PCDHGB7: variants seen among roughly 807,000 people sequenced by gnomAD.
PCDHGB7 encodes protocadherin gamma subfamily B, 7, also known as protocadherin gamma-B7.
In PCDHGB7, 37 loss-of-function variants were observed where a neutral mutation model predicts 61.4. The ratio of observed to expected loss-of-function variants is 0.60; its 90% CI spans 0.46 to 0.79. PCDHGB7 has a LOEUF of 0.79. Among genes scored for constraint, PCDHGB7 ranks in the 30% least tolerant of loss-of-function variants. PCDHGB7 has a pLI of 0.00. For synonymous variants in PCDHGB7, 464 were observed against 503.5 expected (o/e 0.92, Z 1.05); for missense variants, 1,166 against 1,202.5 (o/e 0.97, Z 0.45).
At chr5:141,464,422 TATAG>T (rs2099083887) in intron 1 of PCDHGB7, among the ~76,000 whole-genome samples, 1 of 151,672 alleles carries the variant, frequency 6.6e-6, no homozygotes, top group African/African-American at 2.4e-5. Context: ...TATCTATATA[TATAG>T]ATATATATGT....
intron 1 of PCDHGB7, among the ~76,000 whole-genome samples, chr5:141,436,896 A>C (rs567359498): frequency 6.6e-6 from 1 of 152,368 alleles, no homozygotes; most frequent in East Asian, 1.9e-4. Context: ...AAAGATTTTT[A>C]TATGAGACAA....
At chr5:141,505,579 G>A (rs1047837546) in intron 3 of PCDHGB7, 98 bp downstream of exon 3, 6 of 1,588,858 alleles carry the variant, frequency 3.8e-6, no homozygotes, top group Non-Finnish European at 4.3e-6. Flanking sequence ...TCAAACCTGT[G>A]TAGTTTCTCC....
In PCDHGB7 at chr5:141,511,539, C is replaced by CGAGAT; in HGVS notation, c.*366_*367insGAGAT. 3.0e-6 allele frequency: 1 copy of CGAGAT among 328,342 alleles called. No individual in the cohort carries two copies. Among genetic ancestry groups the CGAGAT allele is most frequent in the South Asian group, 3.2e-5 (1 of 31,708 alleles). 20.3% of individuals were successfully genotyped at this position (328,342 alleles called of 1,614,324 possible). On this transcript the variant is annotated 3_prime_UTR_variant, in exon 4 of 4. Transcript: ENST00000398594. ...CATCCCATGCCTCCCTCCTCCCCAC[C>CGAGAT]CCACTCCAACAGTTCCTCTTTCCCG...
chr5:141,455,343 G>A (rs1462807460), intron 1 of PCDHGB7, among the ~76,000 whole-genome samples: 1 of 152,036 alleles, frequency 6.6e-6, no homozygotes, highest in African/African-American at 2.4e-5. Flanking sequence ...TTTAAGGAGC[G>A]GAGAGTTTAA....
In PCDHGB7 at chr5:141,487,268, G is replaced by A; in HGVS notation, c.2416-7539G>A. ...CCTCTACTTGGCTGTGTCCCTAGTG[G>A]CAATTTGCTTTGTCTCCTTTGGCTC... On this transcript the variant is annotated intron_variant, in intron 1 of 3. Transcript: ENST00000398594. This position sits in a 1 kb window ranked among gnomAD's most constrained non-coding sequence, Gnocchi z 5.0. 4 of 1,614,100 alleles carry A rather than the reference G, an allele frequency of 2.5e-6. No homozygotes were observed. The South Asian group carries it at 4.4e-5, about 18-fold the overall frequency.
intron 1 of PCDHGB7, among the ~76,000 whole-genome samples, chr5:141,453,850 CT>C (rs1465668273): frequency 1.3e-5 from 2 of 152,148 alleles, no homozygotes; most frequent in Non-Finnish European, 2.9e-5. Context: ...CCACAGAGCA[CT>C]TTGAAAATAA....
At chr5:141,422,546 GGC>G in intron 1 of PCDHGB7, 8 of 1,613,972 alleles carry the variant, frequency 5.0e-6, no homozygotes, top group Non-Finnish European at 6.8e-6. Flanking sequence ...ACTCATGTCT[GGC>G]TGAATGTGGC....
intron 1 of PCDHGB7, among the ~76,000 whole-genome samples, chr5:141,436,350 C>T (rs1034303123): frequency 5.9e-5 from 9 of 152,126 alleles, no homozygotes; most frequent in Non-Finnish European, 1.3e-4. Flanking sequence ...TCAGTGACTT[C>T]AATCAACTAT....
chr5:141,463,572 C>A (rs1462125489), intron 1 of PCDHGB7, among the ~76,000 whole-genome samples: 2 of 151,572 alleles, frequency 1.3e-5, no homozygotes, highest in African/African-American at 4.9e-5. Context: ...CCTCAGCCTC[C>A]CGAGTAGCTG....
rs779183487 is a variant in PCDHGB7, at chr5:141,430,845, C to T, written c.2415+10571C>T. ...GGGACTCTGTGGGAGACCGGATGCA[C>T]CCAGATACGCTATTCAGTTCCGGAA... On this transcript the variant is annotated intron_variant, in intron 1 of 3. Coordinates refer to ENST00000398594, the MANE Select transcript of PCDHGB7 (RefSeq NM_018927.4). 27 of 1,575,514 alleles carry T rather than the reference C, an allele frequency of 1.7e-5. No individual in the cohort carries two copies. In the African/African-American group the frequency reaches 3.7e-4, roughly 21 times the overall value.
Position 141,431,520 on chromosome 5 carries a change from A to T in PCDHGB7, c.2415+11246A>T. ...GAGTACCGCGCGAGCGTTCCGGAGA[A>T]TCTGGCCTTGGGCACGCAGCTGCTT... On this transcript the variant is annotated intron_variant, in intron 1 of 3. Transcript: ENST00000398594. The surrounding 1 kb of genome is among the most constrained non-coding windows in gnomAD (Gnocchi z 4.8). 6.2e-7 allele frequency: 1 copy of T among 1,614,068 alleles called. No homozygotes were observed. Among genetic ancestry groups the T allele is most frequent in the Non-Finnish European group, 8.5e-7 (1 of 1,180,020 alleles).
At position 141,486,027 on chromosome 5, in the gene PCDHGB7, C is replaced by A. The variant is rs2099623152; in HGVS notation, c.2416-8780C>A. 2 of 1,614,048 alleles carry A rather than the reference C, an allele frequency of 1.2e-6. No individual in the cohort carries two copies. Among genetic ancestry groups the A allele is most frequent in the African/African-American group, 2.7e-5 (2 of 74,912 alleles). On this transcript the variant is annotated intron_variant, in intron 1 of 3. Coordinates refer to ENST00000398594, the MANE Select transcript of PCDHGB7 (RefSeq NM_018927.4). The surrounding 1 kb of genome is among the most constrained non-coding windows in gnomAD (Gnocchi z 5.0). ...GTCACCTTTTATTTCAGTGGTCATA[C>A]CCCTGATCGTGTAAGAAACCTCTTT...
Position 141,419,394 on chromosome 5 carries a change from G to A in PCDHGB7, c.1535G>A (p.Gly512Glu), listed in dbSNP as rs778450240. The A allele has an allele frequency of 1.2e-6, 2 of 1,613,612 alleles. No homozygotes were observed. Among genetic ancestry groups the A allele is most frequent in the East Asian group, 2.2e-5 (1 of 44,892 alleles). Residue 512 changes from glycine to glutamate, a missense_variant, in exon 1 of 4, where the codon GGG (glycine) becomes GAG (glutamate). By Grantham distance (98) the Gly-to-Glu change is moderately conservative. Coordinates refer to ENST00000398594, the MANE Select transcript of PCDHGB7 (RefSeq NM_018927.4). ...TACGTGTCCGTGAGCGCGCAGAGCGGGGTGGTGTTCGCGCAGCGCGCCTTC... is the reference window on the plus strand; with the variant it reads ...TACGTGTCCGTGAGCGCGCAGAGCGAGGTGGTGTTCGCGCAGCGCGCCTTC... Reference protein sequence around the residue: ...SSYVSVSAQSGVVFAQRAFDH... With the variant: ...SSYVSVSAQSEVVFAQRAFDH...
intron 1 of PCDHGB7, chr5:141,422,116 T>A (rs753281558): frequency 2.5e-6 from 4 of 1,604,730 alleles, no homozygotes; most frequent in Non-Finnish European, 3.4e-6. Context: ...CCAATTGGAT[T>A]CACAAACTGG....
At chr5:141,497,143 GA>G (rs928640875) in intron 2 of PCDHGB7, among the ~76,000 whole-genome samples, 7 of 149,992 alleles carry the variant, frequency 4.7e-5, no homozygotes, top group African/African-American at 9.8e-5. Context: ...CTGAGATCAC[GA>G]AAAAAAAATA....
chr5:141,489,060 TC>T lies in PCDHGB7; in HGVS notation c.2416-5741del, dbSNP rs1037208652. 41 of 300,146 alleles carry T rather than the reference TC, an allele frequency of 1.4e-4. No individual in the cohort carries two copies. The highest frequency in any genetic ancestry group is 2.3e-4 in the Non-Finnish European group (38 of 162,914). The allele number at this position is 300,146 out of a possible 1,614,324, so 18.6% of individuals were successfully genotyped here. A position where few individuals can be genotyped will look rare whatever the true frequency, so the allele number is the denominator to read the frequency against. On this transcript the variant is annotated intron_variant, in intron 1 of 3. Coordinates refer to ENST00000398594, the MANE Select transcript of PCDHGB7 (RefSeq NM_018927.4). This position sits in a 1 kb window ranked among gnomAD's most constrained non-coding sequence, Gnocchi z 4.5. ...CAGCTCCACTCAAATTCAGCTCCCC[TC>T]CCCCCTGCCCACCCCCGCCACTCGG...
intron 1 of PCDHGB7, chr5:141,440,921 G>C (rs1213425379): frequency 6.6e-6 from 1 of 152,260 alleles, no homozygotes; most frequent in Non-Finnish European, 1.5e-5. Context: ...TGTGCTGAGA[G>C]TGAGGGCCAC....
Position 141,432,320 on chromosome 5 carries a change from G to A in PCDHGB7, c.2415+12046G>A, listed in dbSNP as rs369088426. 4 of 1,614,120 alleles carry A rather than the reference G, an allele frequency of 2.5e-6. No individual in the cohort carries two copies. The African/African-American group carries it at 4.0e-5, about 16-fold the overall frequency. On this transcript the variant is annotated intron_variant, in intron 1 of 3. Coordinates refer to ENST00000398594, the MANE Select transcript of PCDHGB7 (RefSeq NM_018927.4). The surrounding 1 kb of genome is among the most constrained non-coding windows in gnomAD (Gnocchi z 6.0). ...GGTACTGTATGCGCTGAGCTCCTTC[G>A]ACTACGAGCAGTTCCGAGACTTGCA...
intron 1 of PCDHGB7, among the ~76,000 whole-genome samples, chr5:141,468,759 G>A (rs1202810666): frequency 3.9e-5 from 6 of 151,990 alleles, no homozygotes; most frequent in Admixed American, 2.0e-4. Context: ...CCAGCTACTC[G>A]GGAGGCTGAG....
Sources: gnomAD v4.1 joint callset for allele counts (sites outside exome capture counted in the v4.1 genomes callset) on GRCh38, gnomAD v4.1.1 for gene constraint, Gnocchi (gnomAD v3.1) non-coding constraint, MANE v1.5 for transcripts, NCBI Gene and HGNC (gene_info 2026-07-23, HGNC 2026-07-21) for gene names.